CDH13: variants seen among roughly 807,000 people sequenced by gnomAD.
CDH13 encodes the protein cadherin 13, also known as cadherin-13.
Under a neutral mutation model 63.8 loss-of-function variants are expected in CDH13, and 24 were observed. The ratio of observed to expected loss-of-function variants is 0.38; its 90% CI spans 0.27 to 0.53. The LOEUF (loss-of-function observed/expected upper bound fraction) is 0.53. CDH13 is among the 20% of genes least tolerant of loss of function. CDH13 has a pLI of 0.85. For missense variants in CDH13, 1,049 were observed against 903.1 expected (o/e 1.16, Z -2.07); for synonymous variants, 503 against 355.3 (o/e 1.42, Z -4.67).
intron 2 of CDH13, among the ~76,000 whole-genome samples, chr16:83,031,381 CGTATATGTATATACATATACAT>C (rs1314797018): frequency 0.014 from 935 of 69,102 alleles, 21 homozygotes; most frequent in African/African-American, 0.061. Flanking sequence ...TATGTATACA[CGTATATGTATATACATATACAT>C]GTATATGTAT....
intron 8 of CDH13, among the ~76,000 whole-genome samples, chr16:83,622,849 C>T (rs1360330026): frequency 6.6e-6 from 1 of 152,182 alleles, no homozygotes; most frequent in Non-Finnish European, 1.5e-5. Flanking sequence ...TTGGTTCATG[C>T]AGTCACCGCA....
intron 3 of CDH13, among the ~76,000 whole-genome samples, chr16:83,078,468 A>G (rs1301198976): frequency 1.3e-5 from 2 of 152,176 alleles, no homozygotes; most frequent in African/African-American, 4.8e-5. Flanking sequence ...GTAGGTTTGT[A>G]CTTTGTACTC....
chr16:82,639,638 C>T (rs990149180), intron 1 of CDH13, among the ~76,000 whole-genome samples: 7 of 152,204 alleles, frequency 4.6e-5, no homozygotes, highest in Admixed American at 1.3e-4. Flanking sequence ...ACACCTGGAT[C>T]TATATTGTGT....
At chr16:83,138,095 G>C (rs1030970185) in intron 4 of CDH13, among the ~76,000 whole-genome samples, 4 of 152,094 alleles carry the variant, frequency 2.6e-5, no homozygotes, top group African/African-American at 9.7e-5. Flanking sequence ...GTTCCCATCT[G>C]TGAGTGTTGC....
intron 7 of CDH13, among the ~76,000 whole-genome samples, chr16:83,585,487 A>T (rs563708742): frequency 2.0e-5 from 3 of 152,176 alleles, no homozygotes; most frequent in East Asian, 3.9e-4. Context: ...TTGGCTGGGG[A>T]GCTGCTGAGC....
At chr16:83,578,792 C>T (rs1410443184) in intron 7 of CDH13, among the ~76,000 whole-genome samples, 1 of 152,180 alleles carries the variant, frequency 6.6e-6, no homozygotes, top group Non-Finnish European at 1.5e-5. Context: ...TTAATAACTG[C>T]TCAATAAATG....
At chr16:83,626,137 C>A (rs917443867) in intron 8 of CDH13, among the ~76,000 whole-genome samples, 1 of 152,032 alleles carries the variant, frequency 6.6e-6, no homozygotes, top group East Asian at 1.9e-4. Flanking sequence ...CAGCCTCCTG[C>A]GTAGCTGGGG....
At chr16:83,020,985 CAGA>C (rs758019726) in intron 2 of CDH13, among the ~76,000 whole-genome samples, 10 of 152,190 alleles carry the variant, frequency 6.6e-5, no homozygotes, top group Non-Finnish European at 1.3e-4. Context: ...GATGCACATT[CAGA>C]AGGAGACTTT....
intron 2 of CDH13, among the ~76,000 whole-genome samples, chr16:82,996,089 G>A (rs1912174483): frequency 6.6e-6 from 1 of 152,128 alleles, no homozygotes; most frequent in Admixed American, 6.5e-5. Flanking sequence ...CCGGGCAAAA[G>A]CATAGCAGAA....
At chr16:83,091,198 C>A (rs770772695) in intron 3 of CDH13, among the ~76,000 whole-genome samples, 5 of 151,196 alleles carry the variant, frequency 3.3e-5, no homozygotes, top group Non-Finnish European at 7.4e-5. Flanking sequence ...TCCTTCTTTC[C>A]TTCCTTTCTT....
rs573808240 is a variant in CDH13, at chr16:83,325,537, C to T, written c.637-19325C>T. On this transcript the variant is annotated intron_variant, in intron 5 of 13. Coordinates refer to ENST00000567109, the MANE Select transcript of CDH13 (RefSeq NM_001257.5). Reference sequence around the variant, plus strand: ...GTTACTCAGTTCTGCTTTTCTAGCACGAGAGAAGCCGTAGACAGTAGATAC... The same window carrying T: ...GTTACTCAGTTCTGCTTTTCTAGCATGAGAGAAGCCGTAGACAGTAGATAC... 8.5e-5 allele frequency among the ~76,000 whole-genome samples: 13 copies of T among 152,238 alleles called. No homozygotes were observed. The South Asian group carries it at 1.0e-3, about 12-fold the overall frequency.
intron 6 of CDH13, among the ~76,000 whole-genome samples, chr16:83,379,938 T>TATATATATATAGAGAGAGAG: frequency 6.1e-3 from 750 of 123,388 alleles, no homozygotes; most frequent in Non-Finnish European, 9.1e-3. Context: ...TATATATATA[T>TATATATATATAGAGAGAGAG]AGAGAGAGAG....
chr16:83,478,063 G>A (rs1310348239), intron 6 of CDH13, among the ~76,000 whole-genome samples: 7 of 151,500 alleles, frequency 4.6e-5, no homozygotes, highest in Non-Finnish European at 1.0e-4. Flanking sequence ...AGCTGCTTGA[G>A]GCAGAAGAAT....
chr16:83,280,486 G>A (rs1206332036), intron 5 of CDH13, among the ~76,000 whole-genome samples: 1 of 152,134 alleles, frequency 6.6e-6, no homozygotes. Flanking sequence ...TTCTTCCACT[G>A]AAGTCTTGAG....
At chr16:82,653,677 G>A (rs759478344) in intron 1 of CDH13, among the ~76,000 whole-genome samples, 3 of 152,124 alleles carry the variant, frequency 2.0e-5, no homozygotes, top group Non-Finnish European at 4.4e-5. Flanking sequence ...TAAGAAACAC[G>A]ATGTGCATGT....
At chr16:82,715,416 A>G (rs1175529662) in intron 1 of CDH13, among the ~76,000 whole-genome samples, 1 of 152,028 alleles carries the variant, frequency 6.6e-6, no homozygotes, top group Non-Finnish European at 1.5e-5. Flanking sequence ...GCACCTTATT[A>G]ACGGGTAATG....
chr16:83,713,814 C>T (rs1016455952), intron 10 of CDH13, among the ~76,000 whole-genome samples: 14 of 152,342 alleles, frequency 9.2e-5, no homozygotes, highest in African/African-American at 3.4e-4. Flanking sequence ...GTCAGCCCTG[C>T]ATGTGCCGTC....
intron 4 of CDH13, among the ~76,000 whole-genome samples, chr16:83,134,621 T>G (rs2036205285): frequency 6.6e-6 from 1 of 151,874 alleles, no homozygotes; most frequent in African/African-American, 2.4e-5. Flanking sequence ...TTTCTGAATT[T>G]GCCTATGTAT....
At chr16:83,530,163 T>A (rs1159170993) in intron 7 of CDH13, among the ~76,000 whole-genome samples, 1 of 152,170 alleles carries the variant, frequency 6.6e-6, no homozygotes, top group Non-Finnish European at 1.5e-5. Flanking sequence ...ATTTTGGGGG[T>A]GTTCAGCTTG....
Sources: allele counts gnomAD v4.1 joint callset (sites outside exome capture counted in the v4.1 genomes callset), GRCh38; gene constraint gnomAD v4.1.1; transcripts MANE v1.5; gene names NCBI Gene and HGNC (gene_info 2026-07-23, HGNC 2026-07-21).